TNRC18: variants seen among roughly 807,000 people sequenced by gnomAD.
The protein encoded by TNRC18 is trinucleotide repeat-containing gene 18 protein.
Under a neutral mutation model 226.7 loss-of-function variants are expected in TNRC18, and 69 were observed. The observed-to-expected ratio is 0.30, with a 90% CI of 0.25 to 0.37. The LOEUF is 0.37. TNRC18 is among the 10% of genes least tolerant of loss of function. The pLI is 1.00. For synonymous variants in TNRC18, 2,449 were observed against 1,927.6 expected, an observed-to-expected ratio of 1.27 and a Z score of -7.09; for missense variants, 4,754 against 4,256.6, an observed-to-expected ratio of 1.12 and a Z score of -3.25.
chr7:5,377,830 G>A lies in TNRC18; in HGVS notation c.2255+92C>T, dbSNP rs1368796791. 4 of 1,311,110 alleles carry A rather than the reference G, an allele frequency of 3.1e-6. No individual in the cohort carries two copies. The highest frequency in any genetic ancestry group is 1.9e-5 in the Admixed American group (1 of 52,920). 81.2% of individuals were successfully genotyped at this position (1,311,110 alleles called of 1,614,324 possible). A position where few individuals can be genotyped will look rare whatever the true frequency, so the allele number is the denominator to read the frequency against. ...CAGTACCATAGCATCCATGGTCGAG[G>A]GGCCAAGCCCACCTGGGGTCATCCA... On this transcript the variant is annotated intron_variant, in intron 6 of 29. Coordinates refer to ENST00000430969, the MANE Select transcript of TNRC18 (RefSeq NM_001080495.3). This position sits in a 1 kb window ranked among gnomAD's most constrained non-coding sequence, Gnocchi z 5.8.
At chr7:5,345,519 C>CCCCCCCCCCCCCCCCCCCCCCCCA in intron 18 of TNRC18, 43 bp downstream of exon 18, 1 of 174,076 alleles carries the variant, frequency 5.7e-6, no homozygotes, top group East Asian at 2.0e-4. Flanking sequence ...TGGCGTCCGC[C>CCCCCCCCCCCCCCCCCCCCCCCCA]CCTCCCACCC....
rs1336471346 is a variant in TNRC18 at position 5,377,016 on chromosome 7, G to A, written c.2462-23C>T. The stretch of plus-strand genomic sequence containing the variant: ...AGCCTAGGAGGAGAAGCCCAGGCCT[G>A]AGTCAGTGCTGGGAGCCCCCAAGCG... On this transcript the variant is annotated intron_variant, in intron 7 of 29. Coordinates refer to ENST00000430969, the MANE Select transcript of TNRC18 (RefSeq NM_001080495.3). The surrounding 1 kb of genome is among the most constrained non-coding windows in gnomAD (Gnocchi z 5.8). The A allele has an allele frequency of 6.4e-7, 1 of 1,561,350 alleles. No homozygotes were observed. Among genetic ancestry groups the A allele is most frequent in the Non-Finnish European group, 8.7e-7 (1 of 1,154,124 alleles).
intron 18 of TNRC18, among the ~76,000 whole-genome samples, chr7:5,338,828 G>A (rs1344396083): frequency 6.7e-6 from 1 of 149,604 alleles, no homozygotes; most frequent in Non-Finnish European, 1.5e-5. Flanking sequence ...GCTGAGGCAG[G>A]AGAATCACTT....
rs1388956753 is a variant in TNRC18, at chr7:5,388,881, C to T, written c.943G>A (p.Ala315Thr). 2.3e-6 allele frequency: 3 copies of T among 1,329,898 alleles called. No individual in the cohort carries two copies. The highest frequency in any genetic ancestry group is 8.3e-5 in the East Asian group (2 of 24,164). 82.4% of individuals were successfully genotyped at this position (1,329,898 alleles called of 1,614,324 possible). A position where few individuals can be genotyped will look rare whatever the true frequency, so the allele number is the denominator to read the frequency against. Residue 315 changes from alanine to threonine, a missense_variant, in exon 5 of 30, where the codon GCG (alanine) becomes ACG (threonine). Coordinates refer to ENST00000430969, the MANE Select transcript of TNRC18 (RefSeq NM_001080495.3). The part of the protein sequence containing the change: ...AKEAARQDEG[A>T]RLLRRTETLL... ...GTCTCCGTGCGCCGCAGCAGCCGCG[C>T]GCCCTCGTCCTGCCGGGCAGCCTCC...
At chr7:5,314,301 C>T (rs12672490) in intron 26 of TNRC18, among the ~76,000 whole-genome samples, 13,189 of 152,254 alleles carry the variant, frequency 0.087, 1,515 homozygotes, top group East Asian at 0.64. Context: ...GGCCCTGCTA[C>T]TTCTTGAGCA....
chr7:5,315,886 G>A, intron 25 of TNRC18, 70 bp downstream of exon 25: 1 of 1,207,072 alleles, frequency 8.3e-7, no homozygotes, highest in Non-Finnish European at 1.1e-6. Context: ...CTCAGAGCCG[G>A]GCTTGGAGGG....
At chr7:5,328,745 C>T (rs1406075592) in intron 19 of TNRC18, among the ~76,000 whole-genome samples, 4 of 151,678 alleles carry the variant, frequency 2.6e-5, no homozygotes, top group Non-Finnish European at 4.4e-5. Flanking sequence ...CTCCTGACCT[C>T]GTGATCCACC....
chr7:5,337,465 CAG>C (rs1790237465), intron 18 of TNRC18, among the ~76,000 whole-genome samples: 3 of 143,086 alleles, frequency 2.1e-5, no homozygotes, highest in South Asian at 4.5e-4. Flanking sequence ...GCCTGGGTGA[CAG>C]AGTGAGACTG....
At position 5,324,076 on chromosome 7, in the gene TNRC18, A is replaced by G; in HGVS notation, c.6442+138T>C. ...GCCTTCTCATCGACCCGGATAACTC[A>G]GCCTCAGGATCTCTGCTCCTGTGGT... On this transcript the variant is annotated intron_variant, in intron 21 of 29. Transcript: ENST00000430969. The surrounding 1 kb of genome is among the most constrained non-coding windows in gnomAD (Gnocchi z 4.8). 1.0e-6 allele frequency: 1 copy of G among 974,630 alleles called. No individual in the cohort carries two copies. The highest frequency in any genetic ancestry group is 1.5e-6 in the Non-Finnish European group (1 of 675,138). 60.4% of individuals were successfully genotyped at this position (974,630 alleles called of 1,614,324 possible).
rs1787299612 is a variant in TNRC18 at position 5,312,239 on chromosome 7, G to T, written c.8388+264C>A. On this transcript the variant is annotated intron_variant, in intron 27 of 29. Transcript: ENST00000430969. This position sits in a 1 kb window ranked among gnomAD's most constrained non-coding sequence, Gnocchi z 6.3. The stretch of plus-strand genomic sequence containing the variant: ...ATCTTTGCACGTTTCCTTCATCTGG[G>T]CTCCACGAGGGTGGCTCTGCGTCCC... 6.6e-6 allele frequency among the ~76,000 whole-genome samples: 1 copy of T among 152,206 alleles called. No individual in the cohort carries two copies. Among genetic ancestry groups the T allele is most frequent in the South Asian group, 2.1e-4 (1 of 4,830 alleles).
In TNRC18 at chr7:5,332,632, T is replaced by A. The variant is rs1789653681; in HGVS notation, c.6137A>T (p.Asp2046Val). The change falls in exon 19 of 30, where the codon GAC becomes GTC. Residue 2046 changes from aspartate (D) to valine (V), a missense_variant. Asp to Val is a radical substitution (Grantham distance 152, BLOSUM62 -3). Transcript: ENST00000430969. ...CAGCGCGGCCCCTACCTTCCTGGGG[T>A]CCTTCCTGTCCTTTGCACGCCCGGC... The part of the protein sequence containing the change: ...KDAGRAKDRK[D>V]PRKKKKGKEA... The A allele has an allele frequency of 6.5e-7, 1 of 1,528,210 alleles. No individual in the cohort carries two copies. Among genetic ancestry groups the A allele is most frequent in the Non-Finnish European group, 8.8e-7 (1 of 1,139,574 alleles). 94.7% of individuals were successfully genotyped at this position (1,528,210 alleles called of 1,614,324 possible).
chr7:5,397,293 G>A (rs376249410), intron 2 of TNRC18, among the ~76,000 whole-genome samples: 24 of 152,306 alleles, frequency 1.6e-4, no homozygotes, highest in South Asian at 8.3e-4. Flanking sequence ...CAGGGTTTGC[G>A]CAAGAGCTTA....
rs796834243 is a variant in TNRC18, at chr7:5,356,182, A to AG, written c.5194+733_5194+734insC. 4.1e-5 allele frequency among the ~76,000 whole-genome samples: 6 copies of AG among 146,492 alleles called. No individual in the cohort carries two copies. In the South Asian group the frequency reaches 9.0e-4, roughly 22 times the overall value. ...CCGTCTCAAATTAAAAAAAAAAAAA[A>AG]AAGAAAGAAAATAGTGGGACACAGC... On this transcript the variant is annotated intron_variant, in intron 16 of 29. Coordinates refer to ENST00000430969, the MANE Select transcript of TNRC18 (RefSeq NM_001080495.3).
At position 5,359,444 on chromosome 7, in the gene TNRC18, T is replaced by C. The variant is rs61741391; in HGVS notation, c.4787A>G (p.Asn1596Ser). 3 of 1,614,014 alleles carry C rather than the reference T, an allele frequency of 1.9e-6. No individual in the cohort carries two copies. The highest frequency in any genetic ancestry group is 2.2e-5 in the East Asian group (1 of 44,892). ...LIGMGKARGR[N>S]QTWDEHEASS... ...GGCCTCATGTTCATCCCAAGTCTGG[T>C]TCCTCCCCCTGGCTTTCCCCATTCC... The change falls in exon 15 of 30, where the codon AAC becomes AGC. Residue 1596 changes from asparagine (N) to serine (S), a missense_variant. Transcript: ENST00000430969.
intron 10 of TNRC18, among the ~76,000 whole-genome samples, chr7:5,371,855 A>C (rs577642967): frequency 5.3e-4 from 80 of 152,278 alleles, no homozygotes; most frequent in African/African-American, 1.6e-3. Flanking sequence ...ATGATCGCTT[A>C]AATTCAGAAG....
intron 2 of TNRC18, among the ~76,000 whole-genome samples, chr7:5,414,117 C>CGGGAGG (rs1303160755): frequency 2.0e-5 from 3 of 151,532 alleles, no homozygotes; most frequent in African/African-American, 7.3e-5. Context: ...CAGCTAATTT[C>CGGGAGG]TGTATTTTTA....
rs201910567 is a variant in TNRC18 at position 5,312,799 on chromosome 7, C to T, written c.8092G>A (p.Ala2698Thr). 7.7e-4 allele frequency: 1,184 copies of T among 1,534,574 alleles called. No individual in the cohort carries two copies. The highest frequency in any genetic ancestry group is 8.6e-4 in the Non-Finnish European group (990 of 1,144,898). ...TGCTTGGTGGCCTTGGTGGGGAGCG[C>T]CGCCTGCGCGGAAGGGCCAGCCGTG... is the stretch of plus-strand genomic sequence containing the variant. ...APTAGPSAQAALPTKATKQAG... is the reference protein window; with the variant it reads ...APTAGPSAQATLPTKATKQAG... Residue 2698 changes from alanine to threonine, a missense_variant, in exon 27 of 30, where the codon GCG becomes ACG. Ala to Thr is a moderately conservative substitution (Grantham distance 58). Transcript: ENST00000430969. This position sits in a 1 kb window ranked among gnomAD's most constrained non-coding sequence, Gnocchi z 6.3.
At chr7:5,381,195 G>A (rs998805188) in intron 5 of TNRC18, among the ~76,000 whole-genome samples, 2 of 152,156 alleles carry the variant, frequency 1.3e-5, no homozygotes, top group East Asian at 3.8e-4. Flanking sequence ...GTTGGCCTCT[G>A]AAGAGAGATA....
At chr7:5,315,256 C>A (rs1329072342) in intron 25 of TNRC18, 108 bp from the exon 26 acceptor site, 9 of 1,242,418 alleles carry the variant, frequency 7.2e-6, no homozygotes, top group African/African-American at 3.0e-5. Flanking sequence ...AAGCAACCGA[C>A]ACCAGGTGGC....
Sources: allele counts gnomAD v4.1 joint callset (sites outside exome capture counted in the v4.1 genomes callset), GRCh38; gene constraint gnomAD v4.1.1; non-coding constraint Gnocchi (gnomAD v3.1); transcripts MANE v1.5; gene names NCBI Gene and HGNC (gene_info 2026-07-23, HGNC 2026-07-21).